TRPA1: variants seen among roughly 807,000 people sequenced by gnomAD.
TRPA1 encodes the protein ankyrin-like with transmembrane domains 1.
A neutral mutation model predicts 131.3 loss-of-function variants in TRPA1; 129 were observed. The observed-to-expected ratio is 0.98, with a 90% CI of 0.85 to 1.14. The LOEUF (loss-of-function observed/expected upper bound fraction) is 1.14. TRPA1 is among the 50% of genes most tolerant of loss of function. The pLI, the probability that TRPA1 is intolerant of heterozygous loss-of-function variation, is 0.00. For synonymous variants in TRPA1, 441 were observed against 451.7 expected (o/e 0.98, Z 0.30); for missense variants, 1,304 against 1,354.2 (o/e 0.96, Z 0.58).
At chr8:72,052,447 TA>T (rs1272561183) in intron 14 of TRPA1, 151 bp downstream of exon 14, 3 of 880,188 alleles carry the variant, frequency 3.4e-6, no homozygotes, top group Admixed American at 5.3e-5. Flanking sequence ...AAATAAAAAA[TA>T]AAAAACCTTT....
intron 6 of TRPA1, among the ~76,000 whole-genome samples, chr8:72,062,463 T>G (rs1805830694): frequency 6.6e-6 from 1 of 152,244 alleles, no homozygotes; most frequent in Non-Finnish European, 1.5e-5. Context: ...TGAGTAGGAC[T>G]AAAGCCAAAT....
chr8:72,082,838 AC>A, the TRPA1 span, among the ~76,000 whole-genome samples: 1 of 151,542 alleles, frequency 6.6e-6, no homozygotes, highest in Non-Finnish European at 1.5e-5. Context: ...GTAGATTAAT[AC>A]TTTTTTTTTC....
chr8:72,053,936 G>A lies in TRPA1; in HGVS notation c.1530-69C>T, dbSNP rs1805595243. ...TGAAATGCGGGATGGGATGCCACTT[G>A]GCTTATTCTAGGTAAATCTGATGAC... On this transcript the variant is annotated intron_variant, in intron 12 of 26. Transcript: ENST00000262209. The A allele has an allele frequency of 5.2e-6, 6 of 1,146,786 alleles. No individual in the cohort carries two copies. The South Asian group carries it at 6.5e-5, about 12-fold the overall frequency. The allele number at this position is 1,146,786 out of a possible 1,614,324, so 71.0% of individuals were successfully genotyped here.
chr8:72,037,051 T>A (rs894078311), intron 20 of TRPA1, among the ~76,000 whole-genome samples: 3 of 152,178 alleles, frequency 2.0e-5, no homozygotes, highest in Non-Finnish European at 4.4e-5. Flanking sequence ...TCTGCAATTT[T>A]CATTTCTGGA....
intron 15 of TRPA1, among the ~76,000 whole-genome samples, chr8:72,049,028 G>A (rs1246740846): frequency 6.6e-6 from 1 of 152,076 alleles, no homozygotes; most frequent in Non-Finnish European, 1.5e-5. Flanking sequence ...GTATTTATGT[G>A]TCCTTTGATG....
chr8:72,051,949 A>G (rs1212677300), intron 14 of TRPA1, among the ~76,000 whole-genome samples: 2 of 152,236 alleles, frequency 1.3e-5, no homozygotes, highest in African/African-American at 4.8e-5. Context: ...GTTGTCATCC[A>G]AAAGAATTCA....
intron 25 of TRPA1, 22 bp downstream of exon 25, chr8:72,025,938 G>A (rs1219108357): frequency 6.3e-7 from 1 of 1,582,286 alleles, no homozygotes; most frequent in African/African-American, 1.3e-5. Context: ...TACTGATGTT[G>A]TTATTTGTTA....
chr8:72,064,703 G>C (rs1164264909), intron 4 of TRPA1, among the ~76,000 whole-genome samples: 1 of 152,064 alleles, frequency 6.6e-6, no homozygotes, highest in Admixed American at 6.6e-5. Flanking sequence ...AGATGGTGAA[G>C]AGGCAAAATC....
chr8:72,076,720 C>G (rs1806194212), upstream of TRPA1: 1 of 152,216 alleles, frequency 6.6e-6, no homozygotes, highest in African/African-American at 2.4e-5. Flanking sequence ...TGAAAGGTCC[C>G]CCTAAATCTT....
intron 1 of TRPA1, among the ~76,000 whole-genome samples, chr8:72,074,688 C>T (rs1198506279): frequency 6.6e-6 from 1 of 152,088 alleles, no homozygotes; most frequent in African/African-American, 2.4e-5. Flanking sequence ...AATAGAAGTG[C>T]CCATCCTAGA....
At chr8:72,088,295 C>A in the TRPA1 span, among the ~76,000 whole-genome samples, 1 of 149,778 alleles carries the variant, frequency 6.7e-6, no homozygotes. Context: ...TTCCAGAATC[C>A]TTTAACATTT....
chr8:72,055,556 C>A lies in TRPA1; in HGVS notation c.1409G>T (p.Ser470Ile), dbSNP rs765084088. 3 of 1,613,526 alleles carry A rather than the reference C, an allele frequency of 1.9e-6. No homozygotes were observed. Among genetic ancestry groups the A allele is most frequent in the Non-Finnish European group, 2.5e-6 (3 of 1,179,704 alleles). The change falls in exon 12 of 27, where the codon AGT (serine) becomes ATT (isoleucine). Residue 470 changes from serine (S) to isoleucine (I), a missense_variant. Transcript: ENST00000262209. ...NTCQRLLQDISDTRLLNEGDL... is the reference protein window; with the variant it reads ...NTCQRLLQDIIDTRLLNEGDL... Reference sequence around the variant, plus strand: ...ACCTTCATTCAGAAGCCTCGTATCACTTATGTCTTGTAGGAGCCTCTGACA... The same window carrying A: ...ACCTTCATTCAGAAGCCTCGTATCAATTATGTCTTGTAGGAGCCTCTGACA...
chr8:72,038,592 C>G (rs1263143144), intron 19 of TRPA1, among the ~76,000 whole-genome samples: 1 of 151,888 alleles, frequency 6.6e-6, no homozygotes, highest in African/African-American at 2.4e-5. Context: ...TCTTGTACAC[C>G]TATTTTAAAG....
At chr8:72,067,396 A>G (rs1460946916) in intron 3 of TRPA1, among the ~76,000 whole-genome samples, 1 of 152,082 alleles carries the variant, frequency 6.6e-6, no homozygotes, top group Non-Finnish European at 1.5e-5. Context: ...AGGAGAGTCA[A>G]TTTTACTTAG....
chr8:72,069,750 A>G (rs369460606), intron 2 of TRPA1, among the ~76,000 whole-genome samples: 1 of 149,292 alleles, frequency 6.7e-6, no homozygotes, highest in Non-Finnish European at 1.5e-5. Flanking sequence ...AAAAAAAATT[A>G]AAAAAAAAAC....
chr8:72,053,043 G>GAGAGAGAT, intron 13 of TRPA1: 1 of 346,322 alleles, frequency 2.9e-6, no homozygotes, highest in Non-Finnish European at 5.4e-6. Context: ...GAGAGAGAGA[G>GAGAGAGAT]AATGAATTCC....
chr8:72,087,454 T>A, the TRPA1 span, among the ~76,000 whole-genome samples: 2 of 152,174 alleles, frequency 1.3e-5, no homozygotes, highest in Admixed American at 1.3e-4. Flanking sequence ...TCCTGTACTT[T>A]CCATTTTCTC....
rs201980871 is a variant in TRPA1 at position 72,075,282 on chromosome 8, G to C, written c.111+17C>G. ...CGCACGTCGGAACCCCTCCAGACCC[G>C]CGAGCCCCCAGAGTACCTTAAGCGA... is the stretch of plus-strand genomic sequence containing the variant. On this transcript the variant is annotated intron_variant, in intron 1 of 26. Coordinates refer to ENST00000262209, the MANE Select transcript of TRPA1 (RefSeq NM_007332.3). 1 of 1,602,396 alleles carries C rather than the reference G, an allele frequency of 6.2e-7. No individual in the cohort carries two copies. The highest frequency in any genetic ancestry group is 2.2e-5 in the East Asian group (1 of 44,822).
chr8:72,059,475 AC>A (rs1761090527), intron 7 of TRPA1, 37 bp from the exon 8 acceptor site: 11 of 1,257,602 alleles, frequency 8.7e-6, no homozygotes, highest in Non-Finnish European at 1.1e-5. Flanking sequence ...TAATTAAAGT[AC>A]TATTGATGTA....
Sources: allele counts gnomAD v4.1 joint callset (sites outside exome capture counted in the v4.1 genomes callset), GRCh38; gene constraint gnomAD v4.1.1; transcripts MANE v1.5; gene names NCBI Gene and HGNC (gene_info 2026-07-23, HGNC 2026-07-21).